The following LHX2 variants were observed in gnomAD, a reference collection of about 807,000 sequenced individuals.
The protein encoded by LHX2 is LIM/homeobox protein Lhx2.
Under a neutral mutation model 33.0 loss-of-function variants are expected in LHX2, and 6 were observed. The observed-to-expected ratio is 0.18, with a 90% CI of 0.10 to 0.36. The LOEUF (loss-of-function observed/expected upper bound fraction) is 0.36, where lower values mean the gene tolerates loss of function less well. Among genes scored for constraint, LHX2 ranks in the 10% least tolerant of loss-of-function variants. The pLI is 1.00. For synonymous variants in LHX2, 292 were observed against 253.1 expected (o/e 1.15, Z -1.46); for missense variants, 442 against 586.2 (o/e 0.75, Z 2.54).
intron 4 of LHX2, among the ~76,000 whole-genome samples, chr9:124,024,104 T>A (rs1439440480): frequency 2.6e-5 from 4 of 152,228 alleles, no homozygotes; most frequent in African/African-American, 9.6e-5. Context: ...GCAATGACTG[T>A]CTGGGTGTGA....
At chr9:124,027,745 G>A in intron 4 of LHX2, among the ~76,000 whole-genome samples, 1 of 152,078 alleles carries the variant, frequency 6.6e-6, no homozygotes, top group Non-Finnish European at 1.5e-5. Flanking sequence ...TTGAACCCGG[G>A]AGGCAGAGGT....
intron 3 of LHX2, among the ~76,000 whole-genome samples, chr9:124,017,770 G>A (rs1859216898): frequency 6.6e-6 from 1 of 151,490 alleles, no homozygotes. Flanking sequence ...GCCGGGCGCT[G>A]GGCTTACAGC....
At chr9:124,024,399 G>A (rs942105111) in intron 4 of LHX2, among the ~76,000 whole-genome samples, 1 of 152,276 alleles carries the variant, frequency 6.6e-6, no homozygotes, top group African/African-American at 2.4e-5. Flanking sequence ...CCTGAATGCT[G>A]ATGGGGAATC....
intron 3 of LHX2, among the ~76,000 whole-genome samples, chr9:124,017,307 T>C (rs1859208851): frequency 6.6e-6 from 1 of 152,212 alleles, no homozygotes; most frequent in Non-Finnish European, 1.5e-5. Flanking sequence ...CTCCTAGTCC[T>C]GAGAGAAACG....
rs564512391 is a variant in LHX2, at chr9:124,012,566, G to T, written c.120+98G>T. 428 of 1,329,676 alleles carry T rather than the reference G, an allele frequency of 3.2e-4. No individual in the cohort carries two copies. The highest frequency in any genetic ancestry group is 4.0e-4 in the Non-Finnish European group (408 of 1,020,984). 82.4% of individuals were successfully genotyped at this position (1,329,676 alleles called of 1,614,324 possible). ...AAGTTTGGGGAGCGTCCTTCGTGCC[G>T]CACGGGACTGGGTGCTGGGGATCCT... On this transcript the variant is annotated intron_variant, in intron 1 of 4. Transcript: ENST00000373615. The surrounding 1 kb of genome is among the most constrained non-coding windows in gnomAD (Gnocchi z 4.3).
At chr9:124,013,569 C>CG (rs1489699345) in intron 1 of LHX2, among the ~76,000 whole-genome samples, 2 of 152,236 alleles carry the variant, frequency 1.3e-5, no homozygotes, top group Admixed American at 6.5e-5. Flanking sequence ...CCTTATCCCC[C>CG]GGGTGGCTCA....
At position 124,012,815 on chromosome 9, in the gene LHX2, G is replaced by C. The variant is rs1430167360; in HGVS notation, c.120+347G>C. Reference sequence around the variant, plus strand: ...CGCTCTCCTCCACCTCTCGGCTCCGGTTGCTGGCGGCGCCGCGAGCGGCGC... The same window carrying C: ...CGCTCTCCTCCACCTCTCGGCTCCGCTTGCTGGCGGCGCCGCGAGCGGCGC... On this transcript the variant is annotated intron_variant, in intron 1 of 4. Coordinates refer to ENST00000373615, the MANE Select transcript of LHX2 (RefSeq NM_004789.4). The surrounding 1 kb of genome is among the most constrained non-coding windows in gnomAD (Gnocchi z 4.3). 6.6e-6 allele frequency among the ~76,000 whole-genome samples: 1 copy of C among 152,224 alleles called. No homozygotes were observed. Among genetic ancestry groups the C allele is most frequent in the Non-Finnish European group, 1.5e-5 (1 of 68,026 alleles).
Position 124,027,831 on chromosome 9 carries a change from C to T in LHX2, c.934-4589C>T, listed in dbSNP as rs115887124. On this transcript the variant is annotated intron_variant, in intron 4 of 4. Transcript: ENST00000373615. ...AGACTTCATCTCAAAAAAAAAGATGCCTGGCACTTCATGAGGAATAGTATT... is the reference window on the plus strand; with the variant it reads ...AGACTTCATCTCAAAAAAAAAGATGTCTGGCACTTCATGAGGAATAGTATT... Among the ~76,000 whole-genome samples the T allele has an allele frequency of 7.4e-3, 1,119 of 152,214 alleles. 12 individuals carry two copies. Among genetic ancestry groups the T allele is most frequent in the African/African-American group, 0.025 (1,046 of 41,532 alleles).
chr9:124,012,384 CG>C lies in LHX2; in HGVS notation c.40del (p.Val14SerfsTer115). ...FHSLSGPEVH[G>X]VIDEMDRRAK... ...ACAGTCTGTCGGGCCCCGAGGTGCA[CG>C]GGGTCATCGACGAGATGGACCGCAG... On this transcript the variant is annotated frameshift_variant, in exon 1 of 5. Coordinates refer to ENST00000373615, the MANE Select transcript of LHX2 (RefSeq NM_004789.4). LOFTEE classifies it high-confidence loss of function. This position sits in a 1 kb window ranked among gnomAD's most constrained non-coding sequence, Gnocchi z 4.3. The C allele has an allele frequency of 6.5e-7, 1 of 1,530,538 alleles. No individual in the cohort carries two copies. 94.8% of individuals were successfully genotyped at this position (1,530,538 alleles called of 1,614,324 possible).
At position 124,032,411 on chromosome 9, in the gene LHX2, C is replaced by G; in HGVS notation, c.934-9C>G. ...CCGCTCACCAGCCCTTCCCTGTCGTCCCCCGCAGGTCTGGTTCCAGAACGC... is the reference window on the plus strand; with the variant it reads ...CCGCTCACCAGCCCTTCCCTGTCGTGCCCCGCAGGTCTGGTTCCAGAACGC... On this transcript the variant is annotated splice_polypyrimidine_tract_variant and intron_variant, in intron 4 of 4. Coordinates refer to ENST00000373615, the MANE Select transcript of LHX2 (RefSeq NM_004789.4). The surrounding 1 kb of genome is among the most constrained non-coding windows in gnomAD (Gnocchi z 4.1). 1 of 1,573,616 alleles carries G rather than the reference C, an allele frequency of 6.4e-7. No individual in the cohort carries two copies.
chr9:124,013,965 T>C lies in LHX2; in HGVS notation c.125T>C (p.Met42Thr). The change falls in exon 2 of 5, where the codon ATG (methionine) becomes ACG (threonine). Residue 42 changes from methionine (M) to threonine (T), a missense_variant. Met to Thr is a moderately conservative substitution (Grantham distance 81). Coordinates refer to ENST00000373615, the MANE Select transcript of LHX2 (RefSeq NM_004789.4). ...AIDRGDTETT[M>T]PSISSDRAAL... The stretch of plus-strand genomic sequence containing the variant: ...TCCGCCTCCCTCCCTTCGCAGACCA[T>C]GCCGTCCATCAGCAGTGACCGCGCC... The C allele has an allele frequency of 6.2e-7, 1 of 1,612,266 alleles. No individual in the cohort carries two copies. The highest frequency in any genetic ancestry group is 8.5e-7 in the Non-Finnish European group (1 of 1,179,594).
rs1316633759 is a variant in LHX2, at chr9:124,014,272, T to C, written c.323+109T>C. On this transcript the variant is annotated intron_variant, in intron 2 of 4. Coordinates refer to ENST00000373615, the MANE Select transcript of LHX2 (RefSeq NM_004789.4). This position sits in a 1 kb window ranked among gnomAD's most constrained non-coding sequence, Gnocchi z 4.8. The stretch of plus-strand genomic sequence containing the variant: ...TTAGTCCCAGGAGAGGGTTCACTAC[T>C]CAGGACTCCCCCGCTCCCCCCCCAA... 3.0e-6 allele frequency: 2 copies of C among 667,902 alleles called. No homozygotes were observed. Among genetic ancestry groups the C allele is most frequent in the African/African-American group, 1.9e-5 (1 of 53,164 alleles). 41.4% of individuals were successfully genotyped at this position (667,902 alleles called of 1,614,324 possible). A position where few individuals can be genotyped will look rare whatever the true frequency, so the allele number is the denominator to read the frequency against.
chr9:124,028,650 C>T (rs1235100688), intron 4 of LHX2, among the ~76,000 whole-genome samples: 3 of 152,190 alleles, frequency 2.0e-5, no homozygotes, highest in Non-Finnish European at 4.4e-5. Flanking sequence ...GTTTCTTCAT[C>T]CATTTATTCA....
intron 4 of LHX2, among the ~76,000 whole-genome samples, chr9:124,028,251 A>T (rs947052512): frequency 6.6e-6 from 1 of 152,130 alleles, no homozygotes; most frequent in Non-Finnish European, 1.5e-5. Flanking sequence ...GTGCTTCTTC[A>T]TCTACCCAGG....
chr9:124,022,193 A>C (rs993309824), intron 4 of LHX2, among the ~76,000 whole-genome samples: 2 of 152,168 alleles, frequency 1.3e-5, no homozygotes, highest in Non-Finnish European at 2.9e-5. Flanking sequence ...TAGGCAAGTC[A>C]CTTGACTTTT....
intron 4 of LHX2, among the ~76,000 whole-genome samples, chr9:124,022,619 G>C (rs963212627): frequency 6.6e-6 from 1 of 152,236 alleles, no homozygotes; most frequent in Non-Finnish European, 1.5e-5. Flanking sequence ...CCAGGTCTCT[G>C]GGATTGAGGG....
Position 124,016,618 on chromosome 9 carries a change from A to T in LHX2, c.727+1093A>T, listed in dbSNP as rs1674445850. Among the ~76,000 whole-genome samples the T allele has an allele frequency of 6.6e-6, 1 of 152,136 alleles. No homozygotes were observed. Among genetic ancestry groups the T allele is most frequent in the Non-Finnish European group, 1.5e-5 (1 of 68,026 alleles). ...GGAAGAAGTCAGTTATTTTCATCTT[A>T]AAGAATCTGAGTTGAATAGAGAGGG... On this transcript the variant is annotated intron_variant, in intron 3 of 4. Transcript: ENST00000373615. This position sits in a 1 kb window ranked among gnomAD's most constrained non-coding sequence, Gnocchi z 4.4.
rs1588345387 is a variant in LHX2, at chr9:124,015,077, C to T, written c.324-45C>T. Reference sequence around the variant, plus strand: ...CACCTGGAGGAGGAAAAGGGGGGTACCCAACCGTGTGTTCCCACAGCCCCT... The same window carrying T: ...CACCTGGAGGAGGAAAAGGGGGGTATCCAACCGTGTGTTCCCACAGCCCCT... On this transcript the variant is annotated intron_variant, in intron 2 of 4. Coordinates refer to ENST00000373615, the MANE Select transcript of LHX2 (RefSeq NM_004789.4). This position sits in a 1 kb window ranked among gnomAD's most constrained non-coding sequence, Gnocchi z 7.9. The T allele has an allele frequency of 6.3e-7, 1 of 1,599,176 alleles. No individual in the cohort carries two copies. Among genetic ancestry groups the T allele is most frequent in the Non-Finnish European group, 8.5e-7 (1 of 1,176,740 alleles).
rs185525809 is a variant in LHX2 at position 124,022,284 on chromosome 9, C to T, written c.933+980C>T. 3.3e-3 allele frequency among the ~76,000 whole-genome samples: 497 copies of T among 152,294 alleles called. 1 individual carries two copies. Among genetic ancestry groups the T allele is most frequent in the African/African-American group, 0.011 (474 of 41,554 alleles). On this transcript the variant is annotated intron_variant, in intron 4 of 4. Coordinates refer to ENST00000373615, the MANE Select transcript of LHX2 (RefSeq NM_004789.4). ...TCCAAGGAGCCACTGAAATGACGTG[C>T]CTGTGGTGCGACCTGACACTTCGTT...
Sources: allele counts gnomAD v4.1 joint callset (sites outside exome capture counted in the v4.1 genomes callset), GRCh38; gene constraint gnomAD v4.1.1; non-coding constraint Gnocchi (gnomAD v3.1); transcripts MANE v1.5; gene names NCBI Gene and HGNC (gene_info 2026-07-23, HGNC 2026-07-21).